NCOA2: variants seen among roughly 807,000 people sequenced by gnomAD.
NCOA2 encodes the protein class E basic helix-loop-helix protein 75.
Under a neutral mutation model 145.1 loss-of-function variants are expected in NCOA2, and 21 were observed. The observed-to-expected ratio is 0.14, with a 90% confidence interval of 0.10 to 0.21. The LOEUF (loss-of-function observed/expected upper bound fraction) is 0.21, where lower values mean the gene tolerates loss of function less well. Among genes scored for constraint, NCOA2 ranks in the 10% least tolerant of loss-of-function variants. The pLI, the probability that NCOA2 is intolerant of heterozygous loss-of-function variation, is 1.00. For synonymous variants in NCOA2, 619 were observed against 637.5 expected, an observed-to-expected ratio of 0.97 and a Z score of 0.44; for missense variants, 1,472 against 1,837.6, an observed-to-expected ratio of 0.80 and a Z score of 3.64.
chr8:70,373,911 T>A (rs917878048), intron 1 of NCOA2, among the ~76,000 whole-genome samples: 2 of 152,220 alleles, frequency 1.3e-5, no homozygotes, highest in African/African-American at 4.8e-5. Flanking sequence ...TTGAAGATTT[T>A]ATAATAAATC....
chr8:70,414,009 CAT>C, the NCOA2 span, among the ~76,000 whole-genome samples: 1 of 152,026 alleles, frequency 6.6e-6, no homozygotes, highest in South Asian at 2.1e-4. Context: ...ATCTGTCACA[CAT>C]GTTATAAATA....
At chr8:70,416,554 T>C in the NCOA2 span, among the ~76,000 whole-genome samples, 1 of 152,258 alleles carries the variant, frequency 6.6e-6, no homozygotes, top group Non-Finnish European at 1.5e-5. Flanking sequence ...CTCTTCTTGA[T>C]ATCTTGTAAC....
chr8:70,449,006 G>A, the NCOA2 span, among the ~76,000 whole-genome samples: 5 of 151,954 alleles, frequency 3.3e-5, no homozygotes, highest in African/African-American at 4.8e-5. Context: ...GGGTCTTACT[G>A]TGTTGTCCAG....
Position 70,157,199 on chromosome 8 carries a change from T to C in NCOA2, c.1166A>G (p.Gln389Arg). ...VCVMNPDLTG[Q>R]TMGKPLNPIS... ...TGGATTCAGTGGCTTCCCCATCGTT[T>C]GTCCAGTCAGATCCGGATTCATCAC... The change falls in exon 11 of 23, where the codon CAA becomes CGA. Residue 389 changes from glutamine to arginine, a missense_variant. By Grantham distance (43) the Gln-to-Arg change is conservative. Around this residue, in one of 4 missense-constraint regions of NCOA2, gnomAD observed 953 missense variants for 1,062.1 expected, o/e 0.90. Transcript: ENST00000452400. 1 of 1,587,428 alleles carries C rather than the reference T, an allele frequency of 6.3e-7. No homozygotes were observed. The highest frequency in any genetic ancestry group is 8.6e-7 in the Non-Finnish European group (1 of 1,164,066).
Position 70,305,761 on chromosome 8 carries a change from T to TA in NCOA2, c.-76-8962dup, listed in dbSNP as rs1490567854. On this transcript the variant is annotated intron_variant, in intron 1 of 22. Coordinates refer to ENST00000452400, the MANE Select transcript of NCOA2 (RefSeq NM_006540.4). Reference sequence around the variant, plus strand: ...AGTTTATTTTCTTTGACTCAAATTATAATTATGTATTATGCGATTAAGTAT... The same window carrying TA: ...AGTTTATTTTCTTTGACTCAAATTATAAATTATGTATTATGCGATTAAGTAT... 2.0e-5 allele frequency among the ~76,000 whole-genome samples: 3 copies of TA among 152,370 alleles called. No homozygotes were observed. In the East Asian group the frequency reaches 5.8e-4, roughly 29 times the overall value.
At chr8:70,313,093 G>C (rs1805265950) in intron 1 of NCOA2, among the ~76,000 whole-genome samples, 1 of 152,168 alleles carries the variant, frequency 6.6e-6, no homozygotes, top group South Asian at 2.1e-4. Context: ...TAAAGGGGAA[G>C]ATAAATTACT....
chr8:70,395,385 G>A (rs928095485), intron 1 of NCOA2, among the ~76,000 whole-genome samples: 2 of 152,110 alleles, frequency 1.3e-5, no homozygotes, highest in African/African-American at 4.8e-5. Flanking sequence ...CAGCAGAACC[G>A]CCTCAAGCAC....
Position 70,131,929 on chromosome 8 carries a change from C to T in NCOA2, c.3232G>A (p.Ala1078Thr). Residue 1078 changes from alanine to threonine, a missense_variant, in exon 16 of 23, where the codon GCT becomes ACT. Physicochemically the swap from Ala to Thr is moderately conservative, Grantham distance 58. This residue lies in a region of NCOA2 where 953 missense variants were observed against 1,062.1 expected (regional missense o/e 0.90). Transcript: ENST00000452400. ...GCCAGATACAGCTGGTCCAGGAGAG[C>T]TCCCTCATCACTCGGAGACTCAGCT... is the stretch of plus-strand genomic sequence containing the variant. Reference protein sequence around the residue: ...PAAESPSDEGALLDQLYLALR... With the variant: ...PAAESPSDEGTLLDQLYLALR... 6.2e-7 allele frequency: 1 copy of T among 1,610,524 alleles called. No individual in the cohort carries two copies. The highest frequency in any genetic ancestry group is 1.3e-5 in the African/African-American group (1 of 75,030).
At chr8:70,285,330 G>C (rs1826162269) in intron 2 of NCOA2, among the ~76,000 whole-genome samples, 1 of 152,212 alleles carries the variant, frequency 6.6e-6, no homozygotes, top group South Asian at 2.1e-4. Context: ...ACAAGGTTTA[G>C]AACACAGCAT....
chr8:70,226,212 C>T (rs1486652236), intron 2 of NCOA2, among the ~76,000 whole-genome samples: 2 of 152,034 alleles, frequency 1.3e-5, no homozygotes, highest in East Asian at 3.9e-4. Flanking sequence ...TCCAAATTCC[C>T]TTTCATTAAC....
In NCOA2 at chr8:70,159,737, A is replaced by C. The variant is rs1025425053; in HGVS notation, c.977-85T>G. 3 of 1,218,140 alleles carry C rather than the reference A, an allele frequency of 2.5e-6. No homozygotes were observed. The African/African-American group carries it at 4.5e-5, about 18-fold the overall frequency. The allele number at this position is 1,218,140 out of a possible 1,614,324, so 75.5% of individuals were successfully genotyped here. On this transcript the variant is annotated intron_variant, in intron 9 of 22. Transcript: ENST00000452400. ...GGACAAGACATAATAAGAGTAATCA[A>C]CTTCATTAAGTTTCATAATAGTTTC...
chr8:70,258,438 T>C (rs1006830342), intron 2 of NCOA2, among the ~76,000 whole-genome samples: 8 of 152,184 alleles, frequency 5.3e-5, no homozygotes, highest in Non-Finnish European at 8.8e-5. Context: ...TCCTCACCTT[T>C]CTGAGGAAGT....
chr8:70,382,804 T>C (rs928349278), intron 1 of NCOA2, among the ~76,000 whole-genome samples: 1 of 152,148 alleles, frequency 6.6e-6, no homozygotes, highest in African/African-American at 2.4e-5. Flanking sequence ...ACCACAGAGA[T>C]TCTTTCCTCA....
In NCOA2 at chr8:70,123,879, C is replaced by T. The variant is rs778546793; in HGVS notation, c.4293+5G>A. On this transcript the variant is annotated splice_donor_5th_base_variant and intron_variant, in intron 21 of 22. Coordinates refer to ENST00000452400, the MANE Select transcript of NCOA2 (RefSeq NM_006540.4). Reference sequence around the variant, plus strand: ...CCACTGGGTTGCTTCTCCTTGGGCACTCACCTGCTCGGGACCCATGGAGGA... The same window carrying T: ...CCACTGGGTTGCTTCTCCTTGGGCATTCACCTGCTCGGGACCCATGGAGGA... 1 of 1,598,806 alleles carries T rather than the reference C, an allele frequency of 6.3e-7. No homozygotes were observed. The highest frequency in any genetic ancestry group is 8.5e-7 in the Non-Finnish European group (1 of 1,169,968).
the NCOA2 span, among the ~76,000 whole-genome samples, chr8:70,410,696 A>G: frequency 6.6e-6 from 1 of 152,236 alleles, no homozygotes; most frequent in Non-Finnish European, 1.5e-5. Context: ...AAAGTGTGGT[A>G]TATTCGTACA....
intron 1 of NCOA2, among the ~76,000 whole-genome samples, chr8:70,359,809 CA>C (rs1226846573): frequency 1.3e-5 from 2 of 152,126 alleles, no homozygotes; most frequent in African/African-American, 4.8e-5. Flanking sequence ...TGCAAAAGGA[CA>C]AATTCTTCTA....
chr8:70,312,512 CT>C (rs2136026932), intron 1 of NCOA2, among the ~76,000 whole-genome samples: 1 of 152,270 alleles, frequency 6.6e-6, no homozygotes, highest in African/African-American at 2.4e-5. Flanking sequence ...CTGATATATA[CT>C]TCAGACTTTT....
chr8:70,292,221 C>T (rs1208398415), intron 2 of NCOA2, among the ~76,000 whole-genome samples: 4 of 151,824 alleles, frequency 2.6e-5, no homozygotes, highest in Non-Finnish European at 5.9e-5. Context: ...GGCGTGATCT[C>T]GGCTCACTGC....
chr8:70,163,857 T>A (rs1210219733), intron 7 of NCOA2, among the ~76,000 whole-genome samples: 1 of 152,060 alleles, frequency 6.6e-6, no homozygotes, highest in Non-Finnish European at 1.5e-5. Flanking sequence ...ACGTTAATAA[T>A]CTGAAACCCT....
Sources: allele counts gnomAD v4.1 joint callset (sites outside exome capture counted in the v4.1 genomes callset), GRCh38; gene constraint gnomAD v4.1.1; regional missense constraint gnomAD v4.1.1; transcripts MANE v1.5; gene names NCBI Gene and HGNC (gene_info 2026-07-23, HGNC 2026-07-21).